Variants in MPHOSPH9 observed in about 807,000 individuals in gnomAD.
MPHOSPH9 encodes the protein M-phase phosphoprotein 9.
In MPHOSPH9, 88 loss-of-function variants were observed where a neutral mutation model predicts 145.5. The observed-to-expected ratio is 0.60, with a 90% CI of 0.51 to 0.72. The LOEUF is 0.72. Among genes scored for constraint, MPHOSPH9 ranks in the 30% least tolerant of loss-of-function variants. The pLI, the probability that MPHOSPH9 is intolerant of heterozygous loss-of-function variation, is 0.00. For synonymous variants in MPHOSPH9, 435 were observed against 486.2 expected (o/e 0.89, Z 1.39); for missense variants, 1,238 against 1,386.6 (o/e 0.89, Z 1.70).
At chr12:123,161,429 G>A (rs371309340) in intron 21 of MPHOSPH9, 46 bp from the exon 22 acceptor site, 66 of 1,601,880 alleles carry the variant, frequency 4.1e-5, no homozygotes, top group African/African-American at 1.1e-4. Flanking sequence ...TCAATTTTTC[G>A]TGTAGGTTGC....
At chr12:123,163,929 A>T (rs774477614) in intron 19 of MPHOSPH9, 21 bp downstream of exon 19, 66 of 1,613,742 alleles carry the variant, frequency 4.1e-5, no homozygotes, top group Non-Finnish European at 5.2e-5. Context: ...AACCCAAGAG[A>T]TGTACACATC....
In MPHOSPH9 at chr12:123,202,810, G is replaced by T; in HGVS notation, c.1595C>A (p.Thr532Asn). The T allele has an allele frequency of 6.2e-7, 1 of 1,614,200 alleles. No individual in the cohort carries two copies. The highest frequency in any genetic ancestry group is 8.5e-7 in the Non-Finnish European group (1 of 1,180,028). Residue 532 changes from threonine to asparagine, a missense_variant, in exon 10 of 24, where the codon ACC (threonine) becomes AAC (asparagine). By Grantham distance (65) the Thr-to-Asn change is moderately conservative (BLOSUM62 0). Transcript: ENST00000606320. ...KNQTFQNESR[T>N]SSTFPSVYTI... Reference sequence around the variant, plus strand: ...ATATACTGACGGAAACGTGGAACTGGTCCTACTTTCGTTTTGGAATGTCTG... The same window carrying T: ...ATATACTGACGGAAACGTGGAACTGTTCCTACTTTCGTTTTGGAATGTCTG...
intron 13 of MPHOSPH9, among the ~76,000 whole-genome samples, chr12:123,187,265 A>C (rs1189236590): frequency 6.6e-6 from 1 of 152,250 alleles, no homozygotes; most frequent in Non-Finnish European, 1.5e-5. Context: ...TGTCTCAAAA[A>C]AAAAGAACGA....
chr12:123,195,220 C>A (rs1229516147), intron 12 of MPHOSPH9, among the ~76,000 whole-genome samples: 4 of 152,094 alleles, frequency 2.6e-5, no homozygotes, highest in African/African-American at 9.7e-5. Context: ...GAAAGTATAG[C>A]TGGACTTTGT....
At position 123,221,562 on chromosome 12, in the gene MPHOSPH9, G is replaced by A; in HGVS notation, c.682C>T (p.Gln228Ter). The change falls in exon 5 of 24, where the codon CAG (glutamine) becomes TAG (stop). Residue 228 changes from glutamine (Q) to a stop codon, truncating the protein, a stop_gained. Transcript: ENST00000606320. LOFTEE classifies it high-confidence loss of function. ...FMEHIDVPKGQYVAPAVPAES... is the reference protein window; with the variant it reads ...FMEHIDVPKG Reference sequence around the variant, plus strand: ...GCCGGCACCGCAGGTGCTACATACTGTCCTTTGGGAACATCTATGTGCTCC... The same window carrying A: ...GCCGGCACCGCAGGTGCTACATACTATCCTTTGGGAACATCTATGTGCTCC... 6.2e-7 allele frequency: 1 copy of A among 1,614,108 alleles called. No homozygotes were observed. Among genetic ancestry groups the A allele is most frequent in the Non-Finnish European group, 8.5e-7 (1 of 1,180,010 alleles).
In MPHOSPH9 at chr12:123,222,962, A is replaced by ATGTGTG. The variant is rs144990491; in HGVS notation, c.348+70_348+75dup. 2.3e-5 allele frequency: 16 copies of ATGTGTG among 706,022 alleles called. No individual in the cohort carries two copies. In the African/African-American group the frequency reaches 2.9e-4, roughly 13 times the overall value. 43.7% of individuals were successfully genotyped at this position (706,022 alleles called of 1,614,324 possible). On this transcript the variant is annotated intron_variant, in intron 4 of 23. Transcript: ENST00000606320. ...TATATATGTGTGTGTGTATATATAT[A>ATGTGTG]TGTGTGTGTGTGTGTGTGTATATGT...
chr12:123,164,334 C>T (rs1716165), intron 18 of MPHOSPH9, among the ~76,000 whole-genome samples: 96,601 of 152,070 alleles, frequency 0.64, 35,271 homozygotes, highest in East Asian at 0.97. Context: ...TTCATTCTGG[C>T]TCCCTGTTTA....
At chr12:123,234,934 G>A (rs531969865), upstream of MPHOSPH9, among the ~76,000 whole-genome samples, 126 of 152,218 alleles carry the variant, frequency 8.3e-4, 1 homozygote, top group African/African-American at 2.8e-3. Context: ...TTTCAGTAAT[G>A]TCATGGCTTA....
intron 5 of MPHOSPH9, among the ~76,000 whole-genome samples, chr12:123,220,181 G>A (rs1432310490): frequency 2.0e-5 from 3 of 151,244 alleles, no homozygotes; most frequent in Non-Finnish European, 4.4e-5. Flanking sequence ...GTGACAGAGC[G>A]AGACTCCATC....
chr12:123,188,006 A>T (rs2045523774), intron 13 of MPHOSPH9, among the ~76,000 whole-genome samples: 1 of 152,146 alleles, frequency 6.6e-6, no homozygotes, highest in Non-Finnish European at 1.5e-5. Context: ...GGGTGCCTGT[A>T]ATCCCAGCTA....
intron 7 of MPHOSPH9, among the ~76,000 whole-genome samples, chr12:123,211,684 C>CTTTTTTTTTTTT (rs147321517): frequency 3.0e-5 from 2 of 67,756 alleles, no homozygotes; most frequent in African/African-American, 4.3e-5. Context: ...TAGACAATTT[C>CTTTTTTTTTTTT]TTTTTTTTTT....
At chr12:123,225,035 G>A (rs1435722046) in intron 3 of MPHOSPH9, among the ~76,000 whole-genome samples, 1 of 152,066 alleles carries the variant, frequency 6.6e-6, no homozygotes, top group African/African-American at 2.4e-5. Flanking sequence ...TCTCCTTTAT[G>A]TCACATTTAG....
At chr12:123,181,056 G>A (rs1028083663) in intron 14 of MPHOSPH9, 107 bp downstream of exon 14, 29 of 988,372 alleles carry the variant, frequency 2.9e-5, no homozygotes, top group African/African-American at 4.8e-5. Flanking sequence ...CAACAGCTAC[G>A]GAGGTTCAGG....
chr12:123,236,240 TAATC>T (rs1349710968), upstream of MPHOSPH9, among the ~76,000 whole-genome samples: 1 of 152,208 alleles, frequency 6.6e-6, no homozygotes, highest in African/African-American at 2.4e-5. Context: ...CTTACTGAGA[TAATC>T]AGGAAGTGTG....
At chr12:123,215,936 A>C (rs1172559716) in intron 6 of MPHOSPH9, among the ~76,000 whole-genome samples, 1 of 152,162 alleles carries the variant, frequency 6.6e-6, no homozygotes, top group African/African-American at 2.4e-5. Context: ...AATTTGTCTC[A>C]CTACTTAAGA....
chr12:123,166,592 G>A, intron 17 of MPHOSPH9, 63 bp downstream of exon 17: 2 of 1,565,344 alleles, frequency 1.3e-6, no homozygotes, highest in Non-Finnish European at 1.7e-6. Context: ...ACTTTTAAAA[G>A]CAATTGAAAT....
intron 7 of MPHOSPH9, among the ~76,000 whole-genome samples, chr12:123,211,469 T>TG (rs1288932362): frequency 9.9e-5 from 15 of 151,630 alleles, no homozygotes; most frequent in Admixed American, 5.3e-4. Context: ...CCTCCTGTCT[T>TG]AGCCCCACAA....
intron 12 of MPHOSPH9, among the ~76,000 whole-genome samples, chr12:123,196,169 G>T (rs1169029832): frequency 6.6e-6 from 1 of 152,124 alleles, no homozygotes; most frequent in Admixed American, 6.6e-5. Flanking sequence ...GGCCAACATA[G>T]TGAAATCCCA....
chr12:123,185,360 G>A (rs143643714), intron 13 of MPHOSPH9, among the ~76,000 whole-genome samples: 7 of 151,528 alleles, frequency 4.6e-5, no homozygotes, highest in Non-Finnish European at 1.0e-4. Context: ...ACAAAATTTC[G>A]GCATACCAAG....
Sources: gnomAD v4.1 joint callset for allele counts (sites outside exome capture counted in the v4.1 genomes callset) on GRCh38, gnomAD v4.1.1 for gene constraint, MANE v1.5 for transcripts, NCBI Gene and HGNC (gene_info 2026-07-23, HGNC 2026-07-21) for gene names.